Variants in CSRNP2 observed in about 807,000 individuals in gnomAD.
CSRNP2 encodes cysteine and serine rich nuclear protein 2, also known as cysteine/serine-rich nuclear protein 2.
CSRNP2 carries 11 observed loss-of-function variants against 36.6 expected under a neutral mutation model. The observed-to-expected ratio is 0.30, with a 90% CI of 0.19 to 0.50. CSRNP2 has a LOEUF of 0.50. Among genes scored for constraint, CSRNP2 ranks in the 20% least tolerant of loss-of-function variants. The pLI is 0.98. For missense variants in CSRNP2, 483 were observed against 691.4 expected (o/e 0.70, Z 3.38); for synonymous variants, 248 against 275.3 (o/e 0.90, Z 0.98).
At chr12:51,065,648 T>C (rs1440914171) in intron 4 of CSRNP2, among the ~76,000 whole-genome samples, 1 of 151,948 alleles carries the variant, frequency 6.6e-6, no homozygotes, top group Non-Finnish European at 1.5e-5. Flanking sequence ...TTTGTAGAGA[T>C]GGGGTCTCGC....
In CSRNP2 at chr12:51,067,832, T is replaced by G. The variant is rs1344883233; in HGVS notation, c.549A>C (p.Arg183=). Residue 183 remains arginine (R), a synonymous_variant, in exon 4 of 5, where the codon CGA becomes CGC. Transcript: ENST00000228515. This position sits in a 1 kb window ranked among gnomAD's most constrained non-coding sequence, Gnocchi z 4.1. ...FFLQPLPTKR[R]RALLRASGVH... The stretch of plus-strand genomic sequence containing the variant: ...CCCCAGAAGCCCTCAGCAGGGCCCG[T>G]CGCCGTTTGGTGGGCAGAGGCTGCA... 1.2e-6 allele frequency: 2 copies of G among 1,614,216 alleles called. No homozygotes were observed. The highest frequency in any genetic ancestry group is 1.7e-6 in the Non-Finnish European group (2 of 1,180,032).
At chr12:51,068,937 A>G (rs1277150230) in intron 3 of CSRNP2, among the ~76,000 whole-genome samples, 2 of 152,246 alleles carry the variant, frequency 1.3e-5, no homozygotes, top group African/African-American at 2.4e-5. Context: ...GGTATTAAAG[A>G]AAGCCCTTGG....
intron 3 of CSRNP2, among the ~76,000 whole-genome samples, chr12:51,073,593 G>A (rs1041764186): frequency 2.0e-5 from 3 of 151,622 alleles, no homozygotes; most frequent in African/African-American, 7.3e-5. Context: ...CAAGACGGAT[G>A]CACACCTGTA....
chr12:51,073,325 A>C (rs1592763780), intron 3 of CSRNP2, among the ~76,000 whole-genome samples: 1 of 151,756 alleles, frequency 6.6e-6, no homozygotes, highest in South Asian at 2.1e-4. Context: ...TATCTGGTAG[A>C]CTCCCCTGCC....
rs1318006072 is a variant in CSRNP2, at chr12:51,073,399, G to C, written c.411+424C>G. ...CAAATCTGAGATTTTTCATTAGAAA[G>C]AGTTGAAATCTCTATACCCCAAGGA... is the stretch of plus-strand genomic sequence containing the variant. On this transcript the variant is annotated intron_variant, in intron 3 of 4. Coordinates refer to ENST00000228515, the MANE Select transcript of CSRNP2 (RefSeq NM_030809.3). 3.3e-5 allele frequency among the ~76,000 whole-genome samples: 5 copies of C among 151,692 alleles called. No individual in the cohort carries two copies. The East Asian group carries it at 9.7e-4, about 29-fold the overall frequency.
At chr12:51,065,720 A>G (rs1196642527) in intron 4 of CSRNP2, among the ~76,000 whole-genome samples, 1 of 152,106 alleles carries the variant, frequency 6.6e-6, no homozygotes, top group Non-Finnish European at 1.5e-5. Context: ...CCAGCCTCCC[A>G]AAGTGCTAGT....
chr12:51,076,324 C>A, intron 2 of CSRNP2, 87 bp downstream of exon 2: 2 of 1,457,070 alleles, frequency 1.4e-6, no homozygotes, highest in African/African-American at 1.4e-5. Flanking sequence ...GGCAAATCCC[C>A]AAGCCACACA....
chr12:51,076,490 G>A lies in CSRNP2; in HGVS notation c.72C>T (p.Asn24=). 1 of 1,614,022 alleles carries A rather than the reference G, an allele frequency of 6.2e-7. No individual in the cohort carries two copies. The highest frequency in any genetic ancestry group is 2.2e-5 in the East Asian group (1 of 44,872). ...CACTGCTGGAGATCTCATCATCTGA[G>A]TTGGAAACTGATGAGCCCACATCCA... ...DDVDVGSSVS[N]SDDEISSSDS... is the part of the protein sequence containing the mutation. Residue 24 remains asparagine, a synonymous_variant, in exon 2 of 5, where the codon AAC becomes AAT. Coordinates refer to ENST00000228515, the MANE Select transcript of CSRNP2 (RefSeq NM_030809.3).
intron 1 of CSRNP2, among the ~76,000 whole-genome samples, chr12:51,078,668 T>C (rs985896760): frequency 3.3e-5 from 5 of 152,240 alleles, no homozygotes; most frequent in South Asian, 4.1e-4. Context: ...AAAACCACAA[T>C]GAGATACCAT....
chr12:51,072,531 C>T (rs1173847199), intron 3 of CSRNP2, among the ~76,000 whole-genome samples: 2 of 137,680 alleles, frequency 1.5e-5, no homozygotes, highest in Non-Finnish European at 3.0e-5. Context: ...CCACTGCACT[C>T]CAGCCTGGGC....
In CSRNP2 at chr12:51,064,063, CT is replaced by C; in HGVS notation, c.1314del (p.Gly439AlafsTer11). The C allele has an allele frequency of 6.2e-7, 1 of 1,614,208 alleles. No individual in the cohort carries two copies. Among genetic ancestry groups the C allele is most frequent in the Non-Finnish European group, 8.5e-7 (1 of 1,180,032 alleles). ...TTCTCCTTTGGGAAAGAGGCTGAGC[CT>C]TCTTCCGTACCAGGCTCTCCTTTCA... ...LGVKGEPGTE[E>X]GSASFPKEKD... On this transcript the variant is annotated frameshift_variant, in exon 5 of 5. Coordinates refer to ENST00000228515, the MANE Select transcript of CSRNP2 (RefSeq NM_030809.3). LOFTEE classifies it high-confidence loss of function.
At chr12:51,071,733 G>A (rs571531251) in intron 3 of CSRNP2, among the ~76,000 whole-genome samples, 118 of 152,350 alleles carry the variant, frequency 7.7e-4, no homozygotes, top group Middle Eastern at 6.8e-3. Flanking sequence ...GGAGAACACA[G>A]AACAGGATGG....
chr12:51,063,811 T>C lies in CSRNP2; in HGVS notation c.1567A>G (p.Thr523Ala). ...DNEEGCGMVK[T>A]SQQNEDRPPE... is the part of the protein sequence containing the mutation. The stretch of plus-strand genomic sequence containing the variant: ...GGCCGATCCTCATTCTGCTGGGAGG[T>C]CTTCACCATCCCACAGCCCTCTTCA... The change falls in exon 5 of 5, where the codon ACC becomes GCC. Residue 523 changes from threonine (T) to alanine (A), a missense_variant. Thr to Ala is a moderately conservative substitution (Grantham distance 58). Coordinates refer to ENST00000228515, the MANE Select transcript of CSRNP2 (RefSeq NM_030809.3). The C allele has an allele frequency of 6.2e-7, 1 of 1,609,104 alleles. No homozygotes were observed. The highest frequency in any genetic ancestry group is 8.5e-7 in the Non-Finnish European group (1 of 1,177,600).
intron 3 of CSRNP2, among the ~76,000 whole-genome samples, chr12:51,069,685 T>A: frequency 6.7e-6 from 1 of 148,442 alleles, no homozygotes; most frequent in Non-Finnish European, 1.5e-5. Context: ...TCTGGGTTTT[T>A]TTTTTTCTTT....
chr12:51,082,202 G>A (rs1400925274), intron 1 of CSRNP2, among the ~76,000 whole-genome samples: 1 of 152,172 alleles, frequency 6.6e-6, no homozygotes, highest in African/African-American at 2.4e-5. Context: ...GGATCCATGT[G>A]TCTTTGTGAT....
intron 1 of CSRNP2, among the ~76,000 whole-genome samples, chr12:51,078,705 TA>T (rs1296163154): frequency 6.6e-6 from 1 of 152,182 alleles, no homozygotes; most frequent in East Asian, 1.9e-4. Flanking sequence ...TGGCGATCAT[TA>T]AGAAGTCAGG....
rs1948840280 is a variant in CSRNP2, at chr12:51,061,811, C to G, written c.*1935G>C. 1 of 152,140 alleles carries G rather than the reference C, an allele frequency of 6.6e-6. No homozygotes were observed. Among genetic ancestry groups the G allele is most frequent in the African/African-American group, 2.4e-5 (1 of 41,422 alleles). 9.4% of individuals were successfully genotyped at this position (152,140 alleles called of 1,614,324 possible). ...GGAGCCTTCCTGCAGAGACAGTGGG[C>G]AAACCTCACCCTCCCCTTCCGACAC... On this transcript the variant is annotated 3_prime_UTR_variant, in exon 5 of 5. Transcript: ENST00000228515.
chr12:51,080,099 AGAGG>A (rs1939573775), intron 1 of CSRNP2, among the ~76,000 whole-genome samples: 1 of 144,448 alleles, frequency 6.9e-6, no homozygotes, highest in Admixed American at 7.0e-5. Flanking sequence ...AAAAAAAAAA[AGAGG>A]GAGGGAGGGA....
At position 51,067,040 on chromosome 12, in the gene CSRNP2, G is replaced by A. The variant is rs563201992; in HGVS notation, c.708+633C>T. On this transcript the variant is annotated intron_variant, in intron 4 of 4. Coordinates refer to ENST00000228515, the MANE Select transcript of CSRNP2 (RefSeq NM_030809.3). The surrounding 1 kb of genome is among the most constrained non-coding windows in gnomAD (Gnocchi z 4.1). ...AGATGGGGCTTAGCCATGTTGCCCA[G>A]GCTGGTCTCGAACTCCTGGGAAGCA... Among the ~76,000 whole-genome samples the A allele has an allele frequency of 3.3e-5, 5 of 152,208 alleles. No individual in the cohort carries two copies. In the South Asian group the frequency reaches 1.0e-3, roughly 32 times the overall value.
Sources: gnomAD v4.1 joint callset for allele counts (sites outside exome capture counted in the v4.1 genomes callset) on GRCh38, gnomAD v4.1.1 for gene constraint, Gnocchi (gnomAD v3.1) non-coding constraint, MANE v1.5 for transcripts, NCBI Gene and HGNC (gene_info 2026-07-23, HGNC 2026-07-21) for gene names.